The following CPZ variants were observed in gnomAD, a reference collection of about 807,000 sequenced individuals.
CPZ encodes carboxypeptidase Z.
In CPZ, 103 loss-of-function variants were observed where a neutral mutation model predicts 61.8. That is an observed-to-expected ratio of 1.67 (90% CI 1.42 to 1.96). The LOEUF (loss-of-function observed/expected upper bound fraction) is 1.96, where lower values mean the gene tolerates loss of function less well. Among genes scored for constraint, CPZ ranks in the 30% most tolerant of loss-of-function variants. CPZ has a pLI of 0.00. For missense variants in CPZ, 1,461 were observed against 914.9 expected, an observed-to-expected ratio of 1.60 and a Z score of -7.70; for synonymous variants, 551 against 373.7, an observed-to-expected ratio of 1.47 and a Z score of -5.47.
chr4:8,609,650 G>C lies in CPZ; in HGVS notation c.1227+2225G>C, dbSNP rs529189062. ...TCTCAGCCTCAGAGCTGGCAGGGCA[G>C]GGCAGGCATCCCCTCTGCACTGGCC... On this transcript the variant is annotated intron_variant, in intron 7 of 10. Coordinates refer to ENST00000360986, the MANE Select transcript of CPZ (RefSeq NM_001014447.3). Among the ~76,000 whole-genome samples the C allele has an allele frequency of 2.0e-5, 3 of 152,308 alleles. No individual in the cohort carries two copies. The South Asian group carries it at 6.2e-4, about 32-fold the overall frequency.
At chr4:8,618,927 G>T (rs9683657) in intron 10 of CPZ, among the ~76,000 whole-genome samples, 1 of 150,892 alleles carries the variant, frequency 6.6e-6, no homozygotes, top group South Asian at 2.1e-4. Flanking sequence ...TTTCACAGCC[G>T]ATGAAAAATG....
chr4:8,601,101 C>G, intron 2 of CPZ, 22 bp from the exon 3 acceptor site: 5 of 1,551,626 alleles, frequency 3.2e-6, no homozygotes, highest in Non-Finnish European at 4.4e-6. Context: ...GAGGGACTGA[C>G]CTGCCGACCC....
intron 7 of CPZ, chr4:8,611,022 ATTCCCTCACT>A (rs1170910800): frequency 1.1e-4 from 37 of 326,198 alleles, no homozygotes; most frequent in African/African-American, 7.6e-4. Context: ...TCATTCACTC[ATTCCCTCACT>A]CTTTCACTTG....
chr4:8,605,330 C>CCATCCATCCATCATTTATG (rs1714864468), intron 4 of CPZ, among the ~76,000 whole-genome samples: 3 of 149,204 alleles, frequency 2.0e-5, no homozygotes, highest in South Asian at 2.1e-4. Flanking sequence ...ATTCATCCAT[C>CCATCCATCCATCATTTATG]CATCCATCCA....
intron 9 of CPZ, among the ~76,000 whole-genome samples, chr4:8,617,379 C>T (rs1468265992): frequency 6.6e-6 from 1 of 152,194 alleles, no homozygotes. Context: ...GGCTAATGTC[C>T]CGGGGCCAGG....
At chr4:8,609,884 G>C (rs1028393887) in intron 7 of CPZ, among the ~76,000 whole-genome samples, 1 of 152,212 alleles carries the variant, frequency 6.6e-6, no homozygotes, top group Non-Finnish European at 1.5e-5. Context: ...CATGAGAGGG[G>C]CTGGCTGGGG....
At chr4:8,616,870 G>A (rs1206725069) in intron 9 of CPZ, among the ~76,000 whole-genome samples, 1 of 152,234 alleles carries the variant, frequency 6.6e-6, no homozygotes, top group African/African-American at 2.4e-5. Flanking sequence ...CCAGGGTGGG[G>A]GTCACGAGCC....
chr4:8,619,498 A>G lies in CPZ; in HGVS notation c.1840A>G (p.Thr614Ala). Residue 614 changes from threonine (T) to alanine (A), a missense_variant, in exon 11 of 11, where the codon ACG (threonine) becomes GCG (alanine). Physicochemically the swap from Thr to Ala is moderately conservative, Grantham distance 58. Coordinates refer to ENST00000360986, the MANE Select transcript of CPZ (RefSeq NM_001014447.3). ...AGGTGCCAGCTCTTTGGGGGAGGCC[A>G]CGGAGCCCGACCCGCTCCGGGCGCG... ...LGGASSLGEATEPDPLRARRQ... is the reference protein window; with the variant it reads ...LGGASSLGEAAEPDPLRARRQ... 1 of 1,606,268 alleles carries G rather than the reference A, an allele frequency of 6.2e-7. No homozygotes were observed. Among genetic ancestry groups the G allele is most frequent in the South Asian group, 1.1e-5 (1 of 90,220 alleles).
In CPZ at chr4:8,606,753, G is replaced by C; in HGVS notation, c.923G>C (p.Gly308Ala). The C allele has an allele frequency of 6.2e-7, 1 of 1,614,158 alleles. No homozygotes were observed. The highest frequency in any genetic ancestry group is 8.5e-7 in the Non-Finnish European group (1 of 1,180,030). ...TGTTTTCAGGGTGCCGGCTACAACG[G>C]GTGGACGAGCGGGAGGCAGAACGCG... ...VAAAEGAGYNGWTSGRQNAQN... is the reference protein window; with the variant it reads ...VAAAEGAGYNAWTSGRQNAQN... Residue 308 changes from glycine (G) to alanine (A), a missense_variant, in exon 6 of 11, where the codon GGG becomes GCG. Transcript: ENST00000360986.
chr4:8,606,703 A>T, intron 5 of CPZ, 34 bp from the exon 6 acceptor site: 1 of 1,613,342 alleles, frequency 6.2e-7, no homozygotes, highest in Non-Finnish European at 8.5e-7. Flanking sequence ...GGGTGTGCTG[A>T]CCCCACCCAG....
chr4:8,601,107 G>T lies in CPZ; in HGVS notation c.122-16G>T, dbSNP rs368771765. On this transcript the variant is annotated splice_polypyrimidine_tract_variant and intron_variant, in intron 2 of 10. Coordinates refer to ENST00000360986, the MANE Select transcript of CPZ (RefSeq NM_001014447.3). ...CCACTGCAGGAGGGACTGACCTGCCGACCCTGCCTCCCCAGCCACCTGCGT... is the reference window on the plus strand; with the variant it reads ...CCACTGCAGGAGGGACTGACCTGCCTACCCTGCCTCCCCAGCCACCTGCGT... 10 of 1,554,798 alleles carry T rather than the reference G, an allele frequency of 6.4e-6. No homozygotes were observed. The Admixed American group carries it at 7.1e-5, about 11-fold the overall frequency.
At chr4:8,595,575 T>A (rs1714119722) in intron 1 of CPZ, among the ~76,000 whole-genome samples, 1 of 152,230 alleles carries the variant, frequency 6.6e-6, no homozygotes, top group Non-Finnish European at 1.5e-5. Context: ...TGGGACTAGC[T>A]GTGTGGTCTT....
At chr4:8,597,014 G>A (rs1022923259) in intron 1 of CPZ, among the ~76,000 whole-genome samples, 3 of 152,224 alleles carry the variant, frequency 2.0e-5, no homozygotes, top group Admixed American at 6.5e-5. Context: ...GCCGGGCACC[G>A]TCAGAGCCTT....
At chr4:8,606,654 C>T (rs1165290920) in intron 5 of CPZ, 83 bp from the exon 6 acceptor site, 1 of 1,566,636 alleles carries the variant, frequency 6.4e-7, no homozygotes, top group Non-Finnish European at 8.8e-7. Flanking sequence ...GGCCTTGACC[C>T]TCAGCCCAGC....
chr4:8,605,641 T>TCCATCCATCCATCCATCCATCCATCCATC (rs1714930948), intron 4 of CPZ, among the ~76,000 whole-genome samples: 2 of 131,418 alleles, frequency 1.5e-5, no homozygotes, highest in African/African-American at 7.6e-5. Context: ...ATATATCCAT[T>TCCATCCATCCATCCATCCATCCATCCATC]CATCCACTCA....
intron 7 of CPZ, among the ~76,000 whole-genome samples, chr4:8,607,764 C>T (rs2109328281): frequency 6.6e-6 from 1 of 152,290 alleles, no homozygotes; most frequent in Non-Finnish European, 1.5e-5. Flanking sequence ...CAGTGCTTCC[C>T]ACCGCAGAGG....
chr4:8,592,779 G>T lies in CPZ; in HGVS notation c.-55G>T. 3 of 1,271,026 alleles carry T rather than the reference G, an allele frequency of 2.4e-6. No homozygotes were observed. The highest frequency in any genetic ancestry group is 3.1e-6 in the Non-Finnish European group (3 of 982,678). The allele number at this position is 1,271,026 out of a possible 1,614,324, so 78.7% of individuals were successfully genotyped here. A position where few individuals can be genotyped will look rare whatever the true frequency, so the allele number is the denominator to read the frequency against. On this transcript the variant is annotated 5_prime_UTR_variant, in exon 1 of 11. Transcript: ENST00000360986. Reference sequence around the variant, plus strand: ...CCAGCGAGCGCAGAGCCCCGGCCCCGCGCGGCCCGAGTGCCACATCACTGC... The same window carrying T: ...CCAGCGAGCGCAGAGCCCCGGCCCCTCGCGGCCCGAGTGCCACATCACTGC...
At chr4:8,600,870 C>T (rs1307590270) in intron 2 of CPZ, 41 of 1,188,152 alleles carry the variant, frequency 3.5e-5, no homozygotes, top group African/African-American at 7.9e-5. Context: ...ATGGAGACGC[C>T]GAGGCTCAGG....
At chr4:8,595,548 A>G (rs1414585984) in intron 1 of CPZ, among the ~76,000 whole-genome samples, 3 of 152,314 alleles carry the variant, frequency 2.0e-5, no homozygotes, top group South Asian at 2.1e-4. Context: ...GCAGCTGGCA[A>G]AGGCCCAGCC....
Sources: allele counts gnomAD v4.1 joint callset (sites outside exome capture counted in the v4.1 genomes callset), GRCh38; gene constraint gnomAD v4.1.1; transcripts MANE v1.5; gene names NCBI Gene and HGNC (gene_info 2026-07-23, HGNC 2026-07-21).